Variants in IRAG1 observed in about 807,000 individuals in gnomAD.
IRAG1 encodes the protein IP3R-associated cGMP kinase substrate.
In IRAG1, 62 loss-of-function variants were observed where a neutral mutation model predicts 106.2. The ratio of observed to expected loss-of-function variants is 0.58; its 90% CI spans 0.48 to 0.72. IRAG1 has a LOEUF of 0.72. IRAG1 is among the 30% of genes least tolerant of loss of function. The probability of loss-of-function intolerance (pLI) is 0.00; values close to 1 mark genes in which losing one functional copy is unlikely to be tolerated. For synonymous variants in IRAG1, 462 were observed against 443.9 expected, an observed-to-expected ratio of 1.04 and a Z score of -0.51; for missense variants, 1,064 against 1,140.7, an observed-to-expected ratio of 0.93 and a Z score of 0.97.
At chr11:10,642,943 C>T (rs371404973) in intron 2 of IRAG1, among the ~76,000 whole-genome samples, 41 of 151,954 alleles carry the variant, frequency 2.7e-4, no homozygotes, top group African/African-American at 8.7e-4. Context: ...GGCATGGCCT[C>T]GGTGGATCAC....
At chr11:10,590,621 TGA>T (rs1268971824) in intron 18 of IRAG1, among the ~76,000 whole-genome samples, 2 of 152,228 alleles carry the variant, frequency 1.3e-5, no homozygotes, top group African/African-American at 4.8e-5. Flanking sequence ...GGGAAAATTC[TGA>T]GAGGCAGCAG....
In IRAG1 at chr11:10,577,480, GC is replaced by G. The variant is rs543251438; in HGVS notation, c.2496-906del. Among the ~76,000 whole-genome samples, 152 of 152,120 alleles carry G rather than the reference GC, an allele frequency of 1.0e-3. 1 individual carries two copies. The highest frequency in any genetic ancestry group is 3.5e-3 in the African/African-American group (145 of 41,490). On this transcript the variant is annotated intron_variant, in intron 20 of 20. Transcript: ENST00000423302. ...CTAGAGCTCTCTGAAGAAGCCCTGA[GC>G]CCCTTCATTAAGCCAGGATTTCCTG...
chr11:10,642,426 A>G (rs1857582120), intron 2 of IRAG1, among the ~76,000 whole-genome samples: 1 of 152,214 alleles, frequency 6.6e-6, no homozygotes, highest in Admixed American at 6.5e-5. Flanking sequence ...GGCCCAGGCT[A>G]GGAAACTGTA....
chr11:10,691,364 G>C (rs1416256677), intron 1 of IRAG1, among the ~76,000 whole-genome samples: 1 of 152,216 alleles, frequency 6.6e-6, no homozygotes, highest in African/African-American at 2.4e-5. Context: ...GAGGTGTGGG[G>C]TGCTTCTGTC....
At chr11:10,585,826 C>T (rs116627973) in intron 18 of IRAG1, among the ~76,000 whole-genome samples, 4 of 152,272 alleles carry the variant, frequency 2.6e-5, no homozygotes, top group East Asian at 1.9e-4. Flanking sequence ...CCTAAATTCA[C>T]GTTATTGGTG....
intron 12 of IRAG1, among the ~76,000 whole-genome samples, chr11:10,605,747 G>A (rs1448780346): frequency 6.6e-6 from 1 of 152,204 alleles, no homozygotes; most frequent in Admixed American, 6.5e-5. Context: ...AAATGTCAGT[G>A]GGTAGGCTTA....
chr11:10,603,665 T>C (rs1454266075), intron 13 of IRAG1, among the ~76,000 whole-genome samples: 2 of 152,088 alleles, frequency 1.3e-5, no homozygotes, highest in Non-Finnish European at 2.9e-5. Flanking sequence ...CACAAAGTCA[T>C]CTGCTGACTT....
intron 1 of IRAG1, chr11:10,690,506 G>T (rs1335409479): frequency 1.4e-5 from 17 of 1,193,654 alleles, no homozygotes; most frequent in Non-Finnish European, 1.8e-5. Flanking sequence ...CTCTGAATTT[G>T]AAGGCCCATT....
intron 4 of IRAG1, among the ~76,000 whole-genome samples, chr11:10,631,708 A>C (rs1433193917): frequency 6.6e-6 from 1 of 151,994 alleles, no homozygotes; most frequent in Non-Finnish European, 1.5e-5. Context: ...AGGCTGGAGG[A>C]CTCTGCCCCC....
chr11:10,614,848 C>G (rs537544872), intron 10 of IRAG1, among the ~76,000 whole-genome samples: 2 of 152,188 alleles, frequency 1.3e-5, no homozygotes, highest in Non-Finnish European at 2.9e-5. Context: ...TAGAAGAAAA[C>G]CTAGGCAATA....
At chr11:10,673,214 C>T (rs909873400) in intron 1 of IRAG1, among the ~76,000 whole-genome samples, 2 of 152,092 alleles carry the variant, frequency 1.3e-5, no homozygotes, top group South Asian at 4.2e-4. Context: ...ACCCAGGAGG[C>T]GAAGGTTGCA....
intron 11 of IRAG1, among the ~76,000 whole-genome samples, chr11:10,608,610 C>A (rs1854676853): frequency 6.6e-6 from 1 of 152,192 alleles, no homozygotes; most frequent in Non-Finnish European, 1.5e-5. Flanking sequence ...AAGGACACAG[C>A]ATCTTTTTTA....
chr11:10,677,160 C>T (rs1409297386), intron 1 of IRAG1, among the ~76,000 whole-genome samples: 1 of 152,174 alleles, frequency 6.6e-6, no homozygotes, highest in Non-Finnish European at 1.5e-5. Flanking sequence ...TTAACCTCTT[C>T]CCCACTCTGA....
At chr11:10,686,105 C>A (rs1482714669) in intron 1 of IRAG1, among the ~76,000 whole-genome samples, 1 of 152,150 alleles carries the variant, frequency 6.6e-6, no homozygotes, top group Non-Finnish European at 1.5e-5. Context: ...CATTTGGGGG[C>A]ATCCAAAATA....
chr11:10,657,526 G>T lies in IRAG1; in HGVS notation c.68-5344C>A, dbSNP rs77189762. On this transcript the variant is annotated intron_variant, in intron 1 of 20. Coordinates refer to ENST00000423302, the MANE Select transcript of IRAG1 (RefSeq NM_130385.4). The surrounding 1 kb of genome is among the most constrained non-coding windows in gnomAD (Gnocchi z 4.1). ...TTCTCTCTGTGAATCTTTGAGCATT[G>T]AGGGAAGAGCCAAGAAGCCCTTTCG... Among the ~76,000 whole-genome samples, 4,029 of 152,298 alleles carry T rather than the reference G, an allele frequency of 0.026. 194 individuals carry two copies. The highest frequency in any genetic ancestry group is 0.092 in the African/African-American group (3,811 of 41,542).
rs546816122 is a variant in IRAG1, at chr11:10,611,395, G to A, written c.1448-1544C>T. 3.3e-5 allele frequency among the ~76,000 whole-genome samples: 5 copies of A among 152,254 alleles called. No homozygotes were observed. In the South Asian group the frequency reaches 1.0e-3, roughly 32 times the overall value. On this transcript the variant is annotated intron_variant, in intron 10 of 20. Transcript: ENST00000423302. ...TACCACACTCAACAGAGAGTCAACT[G>A]AGTAGCAAGCTCCTGAGATATCTAT... is the stretch of plus-strand genomic sequence containing the variant.
In IRAG1 at chr11:10,663,095, G is replaced by A. The variant is rs530096193; in HGVS notation, c.68-10913C>T. On this transcript the variant is annotated intron_variant, in intron 1 of 20. Transcript: ENST00000423302. Reference sequence around the variant, plus strand: ...CAAGCTGGTGTTTTGTCCAGGCCCAGAGATCTGTCAAGGGCCATCTAGACC... The same window carrying A: ...CAAGCTGGTGTTTTGTCCAGGCCCAAAGATCTGTCAAGGGCCATCTAGACC... Among the ~76,000 whole-genome samples, 81 of 152,300 alleles carry A rather than the reference G, an allele frequency of 5.3e-4. 2 individuals are homozygous for A. In the South Asian group the frequency reaches 0.016, roughly 31 times the overall value.
chr11:10,674,168 G>A (rs1368881082), intron 1 of IRAG1, among the ~76,000 whole-genome samples: 1 of 152,220 alleles, frequency 6.6e-6, no homozygotes, highest in African/African-American at 2.4e-5. Flanking sequence ...AGACATAGCA[G>A]TAAGCAGGCA....
chr11:10,591,817 G>C (rs1852707153), intron 17 of IRAG1, among the ~76,000 whole-genome samples: 1 of 152,126 alleles, frequency 6.6e-6, no homozygotes, highest in Non-Finnish European at 1.5e-5. Flanking sequence ...GGCACATGCA[G>C]CTTCCTCCTT....
Sources: gnomAD v4.1 joint callset for allele counts (sites outside exome capture counted in the v4.1 genomes callset) on GRCh38, gnomAD v4.1.1 for gene constraint, Gnocchi (gnomAD v3.1) non-coding constraint, MANE v1.5 for transcripts, NCBI Gene and HGNC (gene_info 2026-07-23, HGNC 2026-07-21) for gene names.